CDH23: variants seen among roughly 807,000 people sequenced by gnomAD.
CDH23 encodes the protein cadherin-23.
CDH23 carries 189 observed loss-of-function variants against 317.1 expected under a neutral mutation model. The ratio of observed to expected loss-of-function variants is 0.60; its 90% CI spans 0.53 to 0.67. The LOEUF is 0.67. Among genes scored for constraint, CDH23 ranks in the 30% least tolerant of loss-of-function variants. The probability of loss-of-function intolerance (pLI) is 0.00; values close to 1 mark genes in which losing one functional copy is unlikely to be tolerated. For missense variants in CDH23, 4,401 were observed against 4,592.4 expected, an observed-to-expected ratio of 0.96 and a Z score of 1.20; for synonymous variants, 1,839 against 1,876.8, an observed-to-expected ratio of 0.98 and a Z score of 0.52.
At chr10:71,583,273 G>A (rs1202212346) in intron 9 of CDH23, among the ~76,000 whole-genome samples, 1 of 152,024 alleles carries the variant, frequency 6.6e-6, no homozygotes, top group Non-Finnish European at 1.5e-5. Flanking sequence ...CGGTGCTGAG[G>A]CCGCAGAGGG....
intron 6 of CDH23, among the ~76,000 whole-genome samples, chr10:71,565,661 A>T (rs986835514): frequency 3.9e-5 from 6 of 152,214 alleles, no homozygotes; most frequent in African/African-American, 1.4e-4. Context: ...AGAAATTAAA[A>T]TTGCAACTAC....
In CDH23 at chr10:71,815,419, G is replaced by GC. The variant is rs2133019230; in HGVS notation, c.*142dup. The GC allele has an allele frequency of 2.9e-6, 2 of 688,606 alleles. No individual in the cohort carries two copies. Among genetic ancestry groups the GC allele is most frequent in the Non-Finnish European group, 4.7e-6 (2 of 429,140 alleles). The allele number at this position is 688,606 out of a possible 1,614,324, so 42.7% of individuals were successfully genotyped here. A position where few individuals can be genotyped will look rare whatever the true frequency, so the allele number is the denominator to read the frequency against. ...AACCTTGGCTTGGCCCTGGCAGCCCGCATCAGCTGCTCAGATCCCACTTTT... is the reference window on the plus strand; with the variant it reads ...AACCTTGGCTTGGCCCTGGCAGCCCGCCATCAGCTGCTCAGATCCCACTTTT... On this transcript the variant is annotated 3_prime_UTR_variant, in exon 70 of 70. Coordinates refer to ENST00000224721, the MANE Select transcript of CDH23 (RefSeq NM_022124.6).
chr10:71,564,880 T>C lies in CDH23; in HGVS notation c.430-1862T>C, dbSNP rs542202651. Among the ~76,000 whole-genome samples, 64 of 152,366 alleles carry C rather than the reference T, an allele frequency of 4.2e-4. No homozygotes were observed. The East Asian group carries it at 7.7e-3, about 18-fold the overall frequency. On this transcript the variant is annotated intron_variant, in intron 6 of 69. Coordinates refer to ENST00000224721, the MANE Select transcript of CDH23 (RefSeq NM_022124.6). ...ATCAAATAAACATAAAAGCATAATG[T>C]TGAATTAAAAAGCAAGCTTCAGAGT...
intron 3 of CDH23, among the ~76,000 whole-genome samples, chr10:71,454,982 C>T (rs1390698433): frequency 6.6e-6 from 1 of 151,790 alleles, no homozygotes; most frequent in Admixed American, 6.6e-5. Flanking sequence ...TGATTACAGG[C>T]TAATGAAGCA....
chr10:71,805,961 T>A lies in CDH23; in HGVS notation c.8028T>A (p.Ala2676=). ...IDPISGLIQT[A]QRLDRESQAV... Reference sequence around the variant, plus strand: ...CAATCAGCGGCCTCATCCAGACTGCTCAGCGCCTGGACCGCGAGTCGCAGG... The same window carrying A: ...CAATCAGCGGCCTCATCCAGACTGCACAGCGCCTGGACCGCGAGTCGCAGG... The change falls in exon 56 of 70, where the codon GCT becomes GCA. Residue 2676 remains alanine (A), a synonymous_variant. Coordinates refer to ENST00000224721, the MANE Select transcript of CDH23 (RefSeq NM_022124.6). 1 of 1,594,198 alleles carries A rather than the reference T, an allele frequency of 6.3e-7. No individual in the cohort carries two copies. The highest frequency in any genetic ancestry group is 8.6e-7 in the Non-Finnish European group (1 of 1,169,380).
At chr10:71,804,736 A>G (rs1841659263) in intron 55 of CDH23, among the ~76,000 whole-genome samples, 1 of 152,066 alleles carries the variant, frequency 6.6e-6, no homozygotes, top group African/African-American at 2.4e-5. Context: ...CAGGGCTTAC[A>G]CCTTGCTTCC....
intron 9 of CDH23, among the ~76,000 whole-genome samples, chr10:71,614,544 G>C (rs1727737367): frequency 6.6e-6 from 1 of 152,234 alleles, no homozygotes; most frequent in Non-Finnish European, 1.5e-5. Context: ...GTCATGAAAG[G>C]TCTCCATCTT....
At chr10:71,670,961 C>CTTT (rs762870565) in intron 14 of CDH23, among the ~76,000 whole-genome samples, 1 of 128,600 alleles carries the variant, frequency 7.8e-6, no homozygotes, top group Non-Finnish European at 1.6e-5. Context: ...GATTTGGCAT[C>CTTT]TTTTTTTTTT....
rs1261281103 is a variant in CDH23, at chr10:71,793,395, G to T, written c.6467G>T (p.Gly2156Val). The T allele has an allele frequency of 6.2e-7, 1 of 1,613,958 alleles. No homozygotes were observed. Among genetic ancestry groups the T allele is most frequent in the Admixed American group, 1.7e-5 (1 of 60,018 alleles). ...ATDRGTVPLSGTAIVTILIDD... is the reference protein window; with the variant it reads ...ATDRGTVPLSVTAIVTILIDD... ...GACCGGGGCACCGTTCCTCTCTCGGGCACAGCCATTGTCACCATTCTGATC... is the reference window on the plus strand; with the variant it reads ...GACCGGGGCACCGTTCCTCTCTCGGTCACAGCCATTGTCACCATTCTGATC... The change falls in exon 48 of 70, where the codon GGC becomes GTC. Residue 2156 changes from glycine to valine, a missense_variant. Around this residue, in one of 3 missense-constraint regions of CDH23, gnomAD observed 3,068 missense variants for 3,203.3 expected, o/e 0.96. Coordinates refer to ENST00000224721, the MANE Select transcript of CDH23 (RefSeq NM_022124.6).
At chr10:71,564,957 CTT>C (rs924341232) in intron 6 of CDH23, among the ~76,000 whole-genome samples, 13 of 152,220 alleles carry the variant, frequency 8.5e-5, no homozygotes, top group Admixed American at 5.9e-4. Context: ...AAAACAGTAT[CTT>C]ATATTATTCA....
chr10:71,702,650 G>A lies in CDH23; in HGVS notation c.2689G>A (p.Ala897Thr), dbSNP rs762204430. The A allele has an allele frequency of 1.3e-5, 21 of 1,613,784 alleles. No individual in the cohort carries two copies. Among genetic ancestry groups the A allele is most frequent in the Non-Finnish European group, 1.4e-5 (17 of 1,179,892 alleles). ...CACCTTTCAGAACCTGCCTTTTGTG[G>A]CCGAGGTGCTTGAAGGCATCCCGGC... is the stretch of plus-strand genomic sequence containing the variant. ...DPTFQNLPFV[A>T]EVLEGIPAGV... The change falls in exon 24 of 70, where the codon GCC becomes ACC. Residue 897 changes from alanine (A) to threonine (T), a missense_variant. Around this residue, in one of 3 missense-constraint regions of CDH23, gnomAD observed 3,068 missense variants for 3,203.3 expected, o/e 0.96. Coordinates refer to ENST00000224721, the MANE Select transcript of CDH23 (RefSeq NM_022124.6).
rs908222380 is a variant in CDH23, at chr10:71,439,874, T to C, written c.43T>C (p.Leu15=). Residue 15 remains leucine (L), a synonymous_variant, in exon 2 of 70, where the codon TTG becomes CTG. Coordinates refer to ENST00000224721, the MANE Select transcript of CDH23 (RefSeq NM_022124.6). ...CACCAGCTGCCACGTGGCCTGGCTT[T>C]TGGTGCTGATCTCTGGATGCTGGGG... The part of the protein sequence containing the change: ...VATSCHVAWL[L]VLISGCWGQV... 6 of 1,575,778 alleles carry C rather than the reference T, an allele frequency of 3.8e-6. No individual in the cohort carries two copies. The highest frequency in any genetic ancestry group is 5.2e-6 in the Non-Finnish European group (6 of 1,159,624).
At chr10:71,443,846 C>T (rs148474431) in intron 2 of CDH23, among the ~76,000 whole-genome samples, 11 of 152,256 alleles carry the variant, frequency 7.2e-5, no homozygotes, top group East Asian at 1.9e-4. Context: ...CTGTCTGCCC[C>T]GCCTGTGGTG....
At chr10:71,542,815 C>T (rs957870094) in intron 6 of CDH23, among the ~76,000 whole-genome samples, 2 of 152,266 alleles carry the variant, frequency 1.3e-5, no homozygotes, top group Non-Finnish European at 2.9e-5. Flanking sequence ...CAGCTCTCCC[C>T]ACCCCTTCCC....
intron 3 of CDH23, chr10:71,509,868 C>A: frequency 1.7e-6 from 1 of 576,062 alleles, no homozygotes; most frequent in Non-Finnish European, 3.1e-6. Context: ...TTCCCTGATA[C>A]CATCATGACA....
chr10:71,665,702 A>C (rs972904738), intron 14 of CDH23, among the ~76,000 whole-genome samples: 1 of 152,204 alleles, frequency 6.6e-6, no homozygotes, highest in African/African-American at 2.4e-5. Flanking sequence ...CATATGCAGC[A>C]TGCTGGCCAA....
intron 41 of CDH23, among the ~76,000 whole-genome samples, chr10:71,779,694 C>T (rs1246431304): frequency 1.3e-5 from 2 of 152,240 alleles, no homozygotes; most frequent in African/African-American, 4.8e-5. Context: ...ACACAGACTC[C>T]TTTAAGAACA....
chr10:71,436,388 C>T (rs1442435305), intron 1 of CDH23, among the ~76,000 whole-genome samples: 2 of 152,244 alleles, frequency 1.3e-5, no homozygotes, highest in Non-Finnish European at 2.9e-5. Context: ...TGCAGGCGCT[C>T]ACTTTTTGGC....
At chr10:71,506,017 G>A (rs1370909132) in intron 3 of CDH23, among the ~76,000 whole-genome samples, 1 of 152,226 alleles carries the variant, frequency 6.6e-6, no homozygotes, top group East Asian at 1.9e-4. Context: ...TGAACAAAAT[G>A]TGTTACATTC....
Sources: gnomAD v4.1 joint callset for allele counts (sites outside exome capture counted in the v4.1 genomes callset) on GRCh38, gnomAD v4.1.1 for gene constraint, gnomAD v4.1.1 regional missense constraint, MANE v1.5 for transcripts, NCBI Gene and HGNC (gene_info 2026-07-23, HGNC 2026-07-21) for gene names.